Variants in ELMOD3 observed in about 807,000 individuals in gnomAD.
ELMOD3 encodes ELMO domain-containing protein 3.
A neutral mutation model predicts 47.4 loss-of-function variants in ELMOD3; 36 were observed. The ratio of observed to expected loss-of-function variants is 0.76; its 90% CI spans 0.58 to 1.00. The LOEUF (loss-of-function observed/expected upper bound fraction) is 1.00, where lower values mean the gene tolerates loss of function less well. Among genes scored for constraint, ELMOD3 ranks in the 50% least tolerant of loss-of-function variants. ELMOD3 has a pLI of 0.00. For synonymous variants in ELMOD3, 149 were observed against 183.5 expected (o/e 0.81, Z 1.52); for missense variants, 404 against 463.8 (o/e 0.87, Z 1.18).
At chr2:85,365,421 C>T (rs913332992) in intron 6 of ELMOD3, among the ~76,000 whole-genome samples, 1 of 151,858 alleles carries the variant, frequency 6.6e-6, no homozygotes, top group Non-Finnish European at 1.5e-5. Flanking sequence ...ACTCAATTGG[C>T]AGTGCTCTTG....
chr2:85,361,656 C>G (rs200350594), intron 4 of ELMOD3, among the ~76,000 whole-genome samples: 10 of 152,084 alleles, frequency 6.6e-5, no homozygotes, highest in South Asian at 2.1e-4. Context: ...TTGGCCGGGC[C>G]CGGTGGCTCA....
rs73945729 is a variant in ELMOD3 at position 85,391,021 on chromosome 2, G to A, written c.*59G>A. 7.6e-7 allele frequency: 1 copy of A among 1,315,076 alleles called. No homozygotes were observed. The highest frequency in any genetic ancestry group is 1.4e-5 in the South Asian group (1 of 71,196). The allele number at this position is 1,315,076 out of a possible 1,614,324, so 81.5% of individuals were successfully genotyped here. On this transcript the variant is annotated 3_prime_UTR_variant, in exon 14 of 14. Coordinates refer to ENST00000409013, the MANE Select transcript of ELMOD3 (RefSeq NM_001135022.2). ...TGCAGGGGCTTTCAGGGGGTCAGTG[G>A]AGCCATGTCAGGAGCCTGGCCAGGC...
At chr2:85,385,142 AG>A (rs941424022) in intron 11 of ELMOD3, among the ~76,000 whole-genome samples, 1 of 152,174 alleles carries the variant, frequency 6.6e-6, no homozygotes, top group Admixed American at 6.5e-5. Flanking sequence ...GATATCTGGG[AG>A]AAGAACATAC....
chr2:85,384,813 TC>T (rs1685821577), intron 11 of ELMOD3, among the ~76,000 whole-genome samples: 1 of 152,114 alleles, frequency 6.6e-6, no homozygotes, highest in Non-Finnish European at 1.5e-5. Flanking sequence ...CATCTGTCTA[TC>T]CCATATTCAT....
intron 11 of ELMOD3, among the ~76,000 whole-genome samples, chr2:85,381,166 A>G (rs1685514200): frequency 6.6e-6 from 1 of 152,204 alleles, no homozygotes; most frequent in Non-Finnish European, 1.5e-5. Context: ...TCATTTTTGG[A>G]CTTTATGGAG....
At position 85,390,889 on chromosome 2, in the gene ELMOD3, C is replaced by T. The variant is rs1370685545; in HGVS notation, c.1073C>T (p.Pro358Leu). 6.4e-7 allele frequency: 1 copy of T among 1,551,570 alleles called. No individual in the cohort carries two copies. Among genetic ancestry groups the T allele is most frequent in the Non-Finnish European group, 8.7e-7 (1 of 1,146,998 alleles). Residue 358 changes from proline (P) to leucine (L), a missense_variant, in exon 14 of 14, where the codon CCC becomes CTC. Pro to Leu is a moderately conservative substitution (Grantham distance 98). Transcript: ENST00000409013. ...AQKCYGPEAP[P>L]FKDLTFTGES... The stretch of plus-strand genomic sequence containing the variant: ...AAGTGCTATGGGCCAGAAGCCCCTC[C>T]CTTCAAGGATCTCACCTTCACAGGT...
At chr2:85,357,337 TG>T in intron 4 of ELMOD3, 85 bp downstream of exon 4, 1 of 918,396 alleles carries the variant, frequency 1.1e-6, no homozygotes, top group Non-Finnish European at 1.6e-6. Flanking sequence ...AGAGAATATT[TG>T]GAAAAATTTA....
In ELMOD3 at chr2:85,391,092, G is replaced by C; in HGVS notation, c.*130G>C. On this transcript the variant is annotated 3_prime_UTR_variant, in exon 14 of 14. Transcript: ENST00000409013. ...CAGATGGGATATAGGAAGCTCCTGG[G>C]CTTAGCTGTGGGAAGCCAAGTACCC... is the stretch of plus-strand genomic sequence containing the variant. The C allele has an allele frequency of 6.3e-6, 6 of 956,358 alleles. No individual in the cohort carries two copies. Among genetic ancestry groups the C allele is most frequent in the Non-Finnish European group, 9.2e-6 (6 of 649,414 alleles). The allele number at this position is 956,358 out of a possible 1,614,324, so 59.2% of individuals were successfully genotyped here.
chr2:85,385,284 C>T (rs1685847705), intron 11 of ELMOD3, among the ~76,000 whole-genome samples: 3 of 152,176 alleles, frequency 2.0e-5, no homozygotes, highest in Admixed American at 6.5e-5. Context: ...GAAGAGACCA[C>T]CAAACAGGCT....
chr2:85,371,271 G>A, intron 9 of ELMOD3, 62 bp downstream of exon 9: 1 of 1,613,514 alleles, frequency 6.2e-7, no homozygotes, highest in Non-Finnish European at 8.5e-7. Context: ...GACCGTGTGT[G>A]CTGACCCTGT....
chr2:85,375,989 C>T (rs535489313), intron 10 of ELMOD3, among the ~76,000 whole-genome samples: 168 of 151,476 alleles, frequency 1.1e-3, no homozygotes, highest in African/African-American at 3.8e-3. Context: ...TTGGGCCCAC[C>T]CAGACAGTCC....
chr2:85,390,305 A>G, intron 13 of ELMOD3, 40 bp downstream of exon 13: 4 of 1,614,116 alleles, frequency 2.5e-6, no homozygotes, highest in Non-Finnish European at 3.4e-6. Flanking sequence ...CTGAATGCAC[A>G]GTGTCCCAGG....
chr2:85,358,505 TG>T (rs1483026819), intron 4 of ELMOD3, among the ~76,000 whole-genome samples: 2 of 151,886 alleles, frequency 1.3e-5, no homozygotes, highest in Admixed American at 1.3e-4. Context: ...AACAAAGGGA[TG>T]GAAGTGAGGA....
chr2:85,389,343 C>T (rs767442280), intron 11 of ELMOD3, among the ~76,000 whole-genome samples: 2 of 152,042 alleles, frequency 1.3e-5, no homozygotes, highest in African/African-American at 4.8e-5. Flanking sequence ...TTTAAGAACC[C>T]GTAGGGCTAG....
Position 85,390,981 on chromosome 2 carries a change from G to C in ELMOD3, c.*19G>C, listed in dbSNP as rs1216394436. On this transcript the variant is annotated 3_prime_UTR_variant, in exon 14 of 14. Coordinates refer to ENST00000409013, the MANE Select transcript of ELMOD3 (RefSeq NM_001135022.2). ...GATCTGACCTCCGAGATGAATGGAG[G>C]CTTAAAGGCTGAGCTGCAGGGGCTT... The C allele has an allele frequency of 3.9e-6, 6 of 1,545,386 alleles. No individual in the cohort carries two copies. The highest frequency in any genetic ancestry group is 1.7e-4 in the Middle Eastern group (1 of 5,984).
Position 85,390,421 on chromosome 2 carries a change from G to A in ELMOD3, c.943+156G>A, listed in dbSNP as rs143179870. ...CAAAATCTCCATCACCCACCCCCTG[G>A]AGTCTGCTAGTTCTCCTTTCTCTGC... On this transcript the variant is annotated intron_variant, in intron 13 of 13. Transcript: ENST00000409013. 8 of 1,614,010 alleles carry A rather than the reference G, an allele frequency of 5.0e-6. No homozygotes were observed. In the African/African-American group the frequency reaches 6.7e-5, roughly 13 times the overall value.
At chr2:85,361,349 T>A (rs1317612651) in intron 4 of ELMOD3, among the ~76,000 whole-genome samples, 4 of 152,196 alleles carry the variant, frequency 2.6e-5, no homozygotes, top group African/African-American at 9.7e-5. Flanking sequence ...GAGATAACAT[T>A]AATTAAGCTT....
At chr2:85,371,758 G>T (rs1326895899) in intron 10 of ELMOD3, 196 bp downstream of exon 10, 2 of 672,820 alleles carry the variant, frequency 3.0e-6, no homozygotes, top group Non-Finnish European at 4.7e-6. Context: ...AGTAGGTCGG[G>T]CGTGGTGGCT....
intron 4 of ELMOD3, among the ~76,000 whole-genome samples, chr2:85,358,599 T>C (rs1285474488): frequency 6.6e-6 from 1 of 152,032 alleles, no homozygotes; most frequent in Non-Finnish European, 1.5e-5. Flanking sequence ...CCAGGGAGCT[T>C]GGTCAGCTGT....
Sources: allele counts gnomAD v4.1 joint callset (sites outside exome capture counted in the v4.1 genomes callset), GRCh38; gene constraint gnomAD v4.1.1; transcripts MANE v1.5; gene names NCBI Gene and HGNC (gene_info 2026-07-23, HGNC 2026-07-21).